GABRB1: variants seen among roughly 807,000 people sequenced by gnomAD.
GABRB1 encodes the protein gamma-aminobutyric acid receptor subunit beta-1.
A neutral mutation model predicts 51.6 loss-of-function variants in GABRB1; 17 were observed. The observed-to-expected ratio is 0.33, with a 90% CI of 0.23 to 0.49. The LOEUF (loss-of-function observed/expected upper bound fraction) is 0.49, where lower values mean the gene tolerates loss of function less well. Among genes scored for constraint, GABRB1 ranks in the 20% least tolerant of loss-of-function variants. The probability of loss-of-function intolerance (pLI) is 0.99; values close to 1 mark genes in which losing one functional copy is unlikely to be tolerated. For missense variants in GABRB1, 410 were observed against 600.6 expected (o/e 0.68, Z 3.32); for synonymous variants, 247 against 218.9 (o/e 1.13, Z -1.14).
intron 4 of GABRB1, among the ~76,000 whole-genome samples, chr4:47,170,921 T>C (rs1718410569): frequency 6.6e-6 from 1 of 152,142 alleles, no homozygotes; most frequent in African/African-American, 2.4e-5. Flanking sequence ...CAAAATGTTC[T>C]CCAGTGAAAG....
intron 5 of GABRB1, among the ~76,000 whole-genome samples, chr4:47,380,000 C>G (rs1352816842): frequency 1.3e-5 from 2 of 152,016 alleles, no homozygotes; most frequent in Non-Finnish European, 2.9e-5. Flanking sequence ...TATACCTGAC[C>G]CATTAAAGAC....
At chr4:47,424,783 G>A (rs1729213668) in intron 8 of GABRB1, among the ~76,000 whole-genome samples, 1 of 152,108 alleles carries the variant, frequency 6.6e-6, no homozygotes, top group Non-Finnish European at 1.5e-5. Flanking sequence ...GTTAAACAAG[G>A]CCACATTCTG....
intron 4 of GABRB1, among the ~76,000 whole-genome samples, chr4:47,226,081 C>T (rs1308077066): frequency 1.3e-5 from 2 of 152,078 alleles, no homozygotes; most frequent in Non-Finnish European, 2.9e-5. Flanking sequence ...TGCTATTAAA[C>T]ATAGTTCTAG....
intron 5 of GABRB1, among the ~76,000 whole-genome samples, chr4:47,332,247 T>C (rs1181122172): frequency 6.6e-6 from 1 of 152,226 alleles, no homozygotes; most frequent in Non-Finnish European, 1.5e-5. Flanking sequence ...CTCTTCTAAA[T>C]GGCTACCAAT....
chr4:47,224,197 CA>C (rs1446368280), intron 4 of GABRB1, among the ~76,000 whole-genome samples: 5 of 152,020 alleles, frequency 3.3e-5, no homozygotes, highest in Non-Finnish European at 7.4e-5. Context: ...GTTCCAACTG[CA>C]AAGAACCCTT....
chr4:47,378,746 A>G (rs988461313), intron 5 of GABRB1, among the ~76,000 whole-genome samples: 1 of 152,012 alleles, frequency 6.6e-6, no homozygotes, highest in East Asian at 1.9e-4. Flanking sequence ...TCAGCTCCCC[A>G]AAGTGCTAGG....
intron 3 of GABRB1, among the ~76,000 whole-genome samples, chr4:47,157,658 GA>G (rs1717762921): frequency 6.6e-6 from 1 of 152,038 alleles, no homozygotes; most frequent in Non-Finnish European, 1.5e-5. Flanking sequence ...CAGGAGAAGG[GA>G]ATTATTGTCA....
At position 47,425,392 on chromosome 4, in the gene GABRB1, C is replaced by CACAT. The variant is rs1347498895; in HGVS notation, c.1081-279_1081-278insTACA. ...AGAAGAAATACCACACACACACACA[C>CACAT]ACACACACACACACACACACACACA... On this transcript the variant is annotated intron_variant, in intron 8 of 8. Coordinates refer to ENST00000295454, the MANE Select transcript of GABRB1 (RefSeq NM_000812.4). Among the ~76,000 whole-genome samples the CACAT allele has an allele frequency of 9.0e-3, 1,369 of 151,332 alleles. 20 individuals are homozygous for CACAT. The highest frequency in any genetic ancestry group is 0.032 in the African/African-American group (1,299 of 41,138).
Position 47,131,877 on chromosome 4 carries a change from A to G in GABRB1, c.241-29372A>G, listed in dbSNP as rs114864018. 2.7e-3 allele frequency among the ~76,000 whole-genome samples: 410 copies of G among 152,318 alleles called. 1 individual carries two copies. The highest frequency in any genetic ancestry group is 9.5e-3 in the African/African-American group (395 of 41,572). ...TCTGAGAACCATTACTAATTTATCCAGTAGAGCAATATAATTTTTTTTTCA... is the reference window on the plus strand; with the variant it reads ...TCTGAGAACCATTACTAATTTATCCGGTAGAGCAATATAATTTTTTTTTCA... On this transcript the variant is annotated intron_variant, in intron 3 of 8. Coordinates refer to ENST00000295454, the MANE Select transcript of GABRB1 (RefSeq NM_000812.4).
chr4:47,166,824 C>G (rs1166859935), intron 4 of GABRB1, among the ~76,000 whole-genome samples: 2 of 152,094 alleles, frequency 1.3e-5, no homozygotes, highest in Admixed American at 6.6e-5. Flanking sequence ...TCTCTGCCCC[C>G]ACTCCACCAC....
intron 4 of GABRB1, among the ~76,000 whole-genome samples, chr4:47,237,512 A>C (rs929959886): frequency 6.6e-6 from 1 of 152,084 alleles, no homozygotes; most frequent in Non-Finnish European, 1.5e-5. Flanking sequence ...GACTGAGGAA[A>C]ATGGAAAGAT....
intron 4 of GABRB1, among the ~76,000 whole-genome samples, chr4:47,271,359 T>A (rs558090000): frequency 6.6e-6 from 1 of 152,234 alleles, no homozygotes; most frequent in South Asian, 2.1e-4. Context: ...ATCATGTGGG[T>A]GGCAGTGTTT....
At chr4:47,396,743 A>G (rs933975912) in intron 5 of GABRB1, among the ~76,000 whole-genome samples, 4 of 152,194 alleles carry the variant, frequency 2.6e-5, no homozygotes, top group Non-Finnish European at 4.4e-5. Context: ...CGATAGCTGA[A>G]GCAAACTGCA....
At chr4:47,425,544 G>A (rs954724140) in intron 8 of GABRB1, 130 bp from the exon 9 acceptor site, 51 of 659,428 alleles carry the variant, frequency 7.7e-5, no homozygotes, top group Non-Finnish European at 1.2e-4. Flanking sequence ...CCACATCAGG[G>A]AGGCACATCA....
chr4:47,391,769 G>A (rs536413504), intron 5 of GABRB1, among the ~76,000 whole-genome samples: 4 of 152,278 alleles, frequency 2.6e-5, no homozygotes, highest in African/African-American at 9.6e-5. Context: ...AAAACTCTAA[G>A]CAGCAAACAA....
At chr4:47,355,279 C>T (rs1726524437) in intron 5 of GABRB1, among the ~76,000 whole-genome samples, 1 of 152,000 alleles carries the variant, frequency 6.6e-6, no homozygotes, top group Non-Finnish European at 1.5e-5. Flanking sequence ...CCACACATGG[C>T]CTAGTCATAT....
chr4:47,192,976 A>G (rs1426914789), intron 4 of GABRB1, among the ~76,000 whole-genome samples: 1 of 152,238 alleles, frequency 6.6e-6, no homozygotes, highest in Admixed American at 6.5e-5. Context: ...GTTAAGAAAT[A>G]AAGCTAAGAA....
chr4:47,050,603 G>A (rs1367401427), intron 3 of GABRB1, among the ~76,000 whole-genome samples: 2 of 152,096 alleles, frequency 1.3e-5, no homozygotes, highest in Admixed American at 6.6e-5. Context: ...TATCATTTTT[G>A]TTGGATACCT....
intron 5 of GABRB1, among the ~76,000 whole-genome samples, chr4:47,384,342 C>A (rs1727703848): frequency 6.6e-6 from 1 of 150,466 alleles, no homozygotes; most frequent in East Asian, 1.9e-4. Flanking sequence ...ATGGATTTTC[C>A]AAAAATGTGC....
Sources: allele counts gnomAD v4.1 joint callset (sites outside exome capture counted in the v4.1 genomes callset), GRCh38; gene constraint gnomAD v4.1.1; transcripts MANE v1.5; gene names NCBI Gene and HGNC (gene_info 2026-07-23, HGNC 2026-07-21).